Variants in SLC30A8 observed in about 807,000 individuals in gnomAD.
The protein encoded by SLC30A8 is solute carrier family 30 member 8, also known as proton-coupled zinc antiporter SLC30A8.
A neutral mutation model predicts 36.9 loss-of-function variants in SLC30A8; 27 were observed. The observed-to-expected ratio is 0.73, with a 90% CI of 0.54 to 1.01. SLC30A8 has a LOEUF of 1.01. SLC30A8 is among the 50% of genes least tolerant of loss of function. The pLI is 0.00. For missense variants in SLC30A8, 439 were observed against 452.0 expected, an observed-to-expected ratio of 0.97 and a Z score of 0.26; for synonymous variants, 164 against 172.4, an observed-to-expected ratio of 0.95 and a Z score of 0.38.
At chr8:117,016,526 G>T (rs1435175897) in intron 1 of SLC30A8, among the ~76,000 whole-genome samples, 2 of 152,170 alleles carry the variant, frequency 1.3e-5, no homozygotes, top group Non-Finnish European at 2.9e-5. Context: ...TTCTCCTGTT[G>T]AAATGCACGC....
intron 1 of SLC30A8, among the ~76,000 whole-genome samples, chr8:116,998,659 T>C (rs759597451): frequency 8.5e-5 from 13 of 152,146 alleles, no homozygotes; most frequent in Non-Finnish European, 1.6e-4. Flanking sequence ...CAACTTGGAT[T>C]AGAGTGGCCC....
In SLC30A8 at chr8:117,030,916, C is replaced by T. The variant is rs567394480; in HGVS notation, c.-265-8303C>T. 1.1e-4 allele frequency among the ~76,000 whole-genome samples: 16 copies of T among 152,268 alleles called. No individual in the cohort carries two copies. The South Asian group carries it at 2.5e-3, about 24-fold the overall frequency. On this transcript the variant is annotated intron_variant, in intron 1 of 10. Transcript: ENST00000427715. ...ATGTGTGCTTTCTCAGCTGAGAACA[C>T]GTCTTGGAAATTCTCAAGAGAAACA... is the stretch of plus-strand genomic sequence containing the variant.
chr8:117,134,985 A>G, upstream of SLC30A8: 1 of 181,720 alleles, frequency 5.5e-6, no homozygotes, highest in Non-Finnish European at 1.1e-5. Context: ...CTACATCAGC[A>G]ATTTGTAGCA....
intron 2 of SLC30A8, among the ~76,000 whole-genome samples, chr8:117,100,819 A>C (rs1414253171): frequency 6.6e-6 from 1 of 152,146 alleles, no homozygotes; most frequent in Non-Finnish European, 1.5e-5. Flanking sequence ...CAACTGGAAT[A>C]ATTCTGTTAA....
intron 2 of SLC30A8, among the ~76,000 whole-genome samples, chr8:117,065,515 A>G (rs1246488053): frequency 1.3e-5 from 2 of 152,166 alleles, no homozygotes; most frequent in East Asian, 3.9e-4. Flanking sequence ...AGGCAGCAGC[A>G]GTAGGAGCAT....
chr8:116,952,547 C>T (rs111982120), intron 1 of SLC30A8, among the ~76,000 whole-genome samples: 4,087 of 152,052 alleles, frequency 0.027, 171 homozygotes, highest in African/African-American at 0.092. Context: ...CGGGTTCAAG[C>T]GATTCTCCTG....
At chr8:117,088,217 AC>A (rs1818956765) in intron 2 of SLC30A8, among the ~76,000 whole-genome samples, 1 of 151,998 alleles carries the variant, frequency 6.6e-6, no homozygotes, top group South Asian at 2.1e-4. Flanking sequence ...TGCCATGAAG[AC>A]CCCCTGACCC....
At chr8:117,135,565 A>G (rs888355453) in intron 1 of SLC30A8, among the ~76,000 whole-genome samples, 167 bp downstream of exon 1, 1 of 152,036 alleles carries the variant, frequency 6.6e-6, no homozygotes, top group African/African-American at 2.4e-5. Context: ...AAAATGCAAT[A>G]CTTTATATAG....
chr8:117,127,372 C>G (rs960471741), intron 2 of SLC30A8, among the ~76,000 whole-genome samples: 2 of 152,012 alleles, frequency 1.3e-5, no homozygotes, highest in African/African-American at 4.8e-5. Flanking sequence ...TTTGTAAACA[C>G]TATGCTGAAG....
intron 1 of SLC30A8, among the ~76,000 whole-genome samples, chr8:117,035,684 C>T (rs767015259): frequency 1.3e-5 from 2 of 152,260 alleles, no homozygotes; most frequent in Non-Finnish European, 2.9e-5. Context: ...AGAGGTTCTC[C>T]ATGAGGGTTC....
chr8:117,168,440 A>G (rs1404746078), intron 6 of SLC30A8, among the ~76,000 whole-genome samples: 1 of 152,186 alleles, frequency 6.6e-6, no homozygotes, highest in African/African-American at 2.4e-5. Context: ...AAGTCTGGGA[A>G]GTTATTTATT....
chr8:117,029,351 TG>T (rs1816964887), intron 1 of SLC30A8, among the ~76,000 whole-genome samples: 1 of 152,164 alleles, frequency 6.6e-6, no homozygotes, highest in South Asian at 2.1e-4. Flanking sequence ...CTTCTAGTTG[TG>T]GGGGTTTAGT....
intron 1 of SLC30A8, among the ~76,000 whole-genome samples, chr8:116,987,160 A>C (rs990977866): frequency 6.6e-6 from 1 of 152,052 alleles, no homozygotes; most frequent in Non-Finnish European, 1.5e-5. Context: ...GAACTTCTAT[A>C]GGATATCTTT....
At position 117,172,601 on chromosome 8, in the gene SLC30A8, A is replaced by G. The variant is rs777977228; in HGVS notation, c.1030A>G (p.Met344Val). 12 of 1,613,636 alleles carry G rather than the reference A, an allele frequency of 7.4e-6. No individual in the cohort carries two copies. The highest frequency in any genetic ancestry group is 6.7e-5 in the Admixed American group (4 of 59,970). The change falls in exon 8 of 8, where the codon ATG becomes GTG. Residue 344 changes from methionine to valine, a missense_variant. Met to Val is a conservative substitution (Grantham distance 21). Coordinates refer to ENST00000456015, the MANE Select transcript of SLC30A8 (RefSeq NM_173851.3). The stretch of plus-strand genomic sequence containing the variant: ...TAAAGCCCTTAGCAAAAGCTTTACG[A>G]TGCACTCACTCACCATTCAGATGGA... Reference protein sequence around the residue: ...IAKALSKSFTMHSLTIQMESP... With the variant: ...IAKALSKSFTVHSLTIQMESP...
chr8:116,951,026 C>G (rs1412444746), exon 1 of SLC30A8: 1 of 152,218 alleles, frequency 6.6e-6, no homozygotes, highest in Non-Finnish European at 1.5e-5. Context: ...CAGGATGTCT[C>G]TCTCCCTAAG....
intron 1 of SLC30A8, among the ~76,000 whole-genome samples, chr8:117,012,395 C>T (rs1443975462): frequency 6.6e-6 from 1 of 151,624 alleles, no homozygotes; most frequent in African/African-American, 2.4e-5. Flanking sequence ...TGAAGTCAAC[C>T]AGTTGTGGAT....
chr8:117,131,861 C>G (rs760641800), upstream of SLC30A8, among the ~76,000 whole-genome samples: 6 of 151,970 alleles, frequency 3.9e-5, no homozygotes, highest in Admixed American at 3.3e-4. Flanking sequence ...TCGATTAATA[C>G]TCCCATTTTA....
chr8:117,131,941 A>G (rs1821155372), upstream of SLC30A8, among the ~76,000 whole-genome samples: 1 of 152,030 alleles, frequency 6.6e-6, no homozygotes, highest in African/African-American at 2.4e-5. Context: ...AAAGTGGTCA[A>G]ACTGGAAACT....
chr8:117,030,680 T>A lies in SLC30A8; in HGVS notation c.-265-8539T>A, dbSNP rs11993045. On this transcript the variant is annotated intron_variant, in intron 1 of 10. Transcript: ENST00000427715. ...TACTTGAGTGTAGATTTAGTCAAGG[T>A]AAGTCTAGGTTTTGCTGAGTTATTT... Among the ~76,000 whole-genome samples the A allele has an allele frequency of 5.5e-3, 834 of 152,066 alleles. 10 individuals carry two copies. The highest frequency in any genetic ancestry group is 0.019 in the African/African-American group (779 of 41,480).
Sources: allele counts gnomAD v4.1 joint callset (sites outside exome capture counted in the v4.1 genomes callset), GRCh38; gene constraint gnomAD v4.1.1; transcripts MANE v1.5; gene names NCBI Gene and HGNC (gene_info 2026-07-23, HGNC 2026-07-21).